The following AKAP19 variants were observed in gnomAD, a reference collection of about 807,000 sequenced individuals.
AKAP19 encodes the protein small A-kinase anchoring protein.
chr2:190,194,781 T>C, the AKAP19 span, among the ~76,000 whole-genome samples: 1 of 152,188 alleles, frequency 6.6e-6, no homozygotes, highest in African/African-American at 2.4e-5. Context: ...GTTGTAATCA[T>C]ACAGCATGTA....
At chr2:190,171,274 A>T in the AKAP19 span, among the ~76,000 whole-genome samples, 1 of 152,146 alleles carries the variant, frequency 6.6e-6, no homozygotes, top group East Asian at 1.9e-4. Flanking sequence ...ACTATTTAAA[A>T]TATTTTACTG....
chr2:189,914,704 T>G, the AKAP19 span, among the ~76,000 whole-genome samples: 1 of 152,094 alleles, frequency 6.6e-6, no homozygotes, highest in African/African-American at 2.4e-5. Context: ...TGAGGAACAG[T>G]TCTATTAGCT....
At chr2:189,918,855 G>T in the AKAP19 span, among the ~76,000 whole-genome samples, 1 of 152,188 alleles carries the variant, frequency 6.6e-6, no homozygotes, top group Admixed American at 6.5e-5. Context: ...ATAGTATAGT[G>T]TGGATAAACC....
the AKAP19 span, among the ~76,000 whole-genome samples, chr2:189,922,821 G>A: frequency 6.6e-6 from 1 of 152,072 alleles, no homozygotes; most frequent in African/African-American, 2.4e-5. Flanking sequence ...GTGCAAGAAG[G>A]CCATGATGTA....
At chr2:190,095,021 G>A in the AKAP19 span, among the ~76,000 whole-genome samples, 25,717 of 152,154 alleles carry the variant, frequency 0.17, 2,265 homozygotes, top group Admixed American at 0.22. Flanking sequence ...TCAGGAGTTC[G>A]AGACCAGCCT....
At chr2:190,079,381 A>G in the AKAP19 span, 1 of 152,246 alleles carries the variant, frequency 6.6e-6, no homozygotes, top group Non-Finnish European at 1.5e-5. Flanking sequence ...GGGCCACCAA[A>G]CCCACAAGTA....
At chr2:190,054,989 A>G in the AKAP19 span, among the ~76,000 whole-genome samples, 1 of 152,196 alleles carries the variant, frequency 6.6e-6, no homozygotes, top group African/African-American at 2.4e-5. Context: ...TGTGTACCCA[A>G]AGGACTATAA....
chr2:190,191,475 T>G, the AKAP19 span, among the ~76,000 whole-genome samples: 1 of 152,186 alleles, frequency 6.6e-6, no homozygotes, highest in East Asian at 1.9e-4. Flanking sequence ...GAACACAAAT[T>G]TTCATGTATC....
the AKAP19 span, among the ~76,000 whole-genome samples, chr2:190,081,803 T>C: frequency 1.3e-5 from 2 of 152,136 alleles, no homozygotes; most frequent in Non-Finnish European, 2.9e-5. Flanking sequence ...CTTTATTCTA[T>C]GGTATAGTAG....
chr2:190,049,721 A>C, the AKAP19 span, among the ~76,000 whole-genome samples: 1 of 152,206 alleles, frequency 6.6e-6, no homozygotes, highest in Admixed American at 6.5e-5. Context: ...GTTCCCTTAC[A>C]TCTGAACTTC....
the AKAP19 span, among the ~76,000 whole-genome samples, chr2:190,027,843 A>C: frequency 6.6e-6 from 1 of 152,146 alleles, no homozygotes; most frequent in Non-Finnish European, 1.5e-5. Flanking sequence ...AAGAGTGTTT[A>C]GAATTTCTTT....
At chr2:190,090,231 T>C in the AKAP19 span, among the ~76,000 whole-genome samples, 111 of 152,300 alleles carry the variant, frequency 7.3e-4, no homozygotes, top group African/African-American at 2.6e-3. Context: ...TTTCTAGTTG[T>C]TAGCAAGCGA....
At chr2:189,885,966 G>A in the AKAP19 span, among the ~76,000 whole-genome samples, 1 of 151,942 alleles carries the variant, frequency 6.6e-6, no homozygotes, top group Non-Finnish European at 1.5e-5. Context: ...CCACCACCAA[G>A]CCCAGCTAAT....
At chr2:189,931,808 A>G in the AKAP19 span, among the ~76,000 whole-genome samples, 1 of 151,298 alleles carries the variant, frequency 6.6e-6, no homozygotes, top group Non-Finnish European at 1.5e-5. Context: ...TTTTGGGGAG[A>G]GATGGGGTTT....
chr2:190,005,372 G>C, the AKAP19 span, among the ~76,000 whole-genome samples: 2 of 152,218 alleles, frequency 1.3e-5, no homozygotes, highest in East Asian at 3.9e-4. Flanking sequence ...ACAGAGTGCT[G>C]ATTGATGCAT....
At chr2:189,980,680 TG>T in the AKAP19 span, among the ~76,000 whole-genome samples, 4 of 151,988 alleles carry the variant, frequency 2.6e-5, no homozygotes, top group Non-Finnish European at 4.4e-5. Context: ...GTACACATTT[TG>T]TACGTTGATT....
the AKAP19 span, among the ~76,000 whole-genome samples, chr2:190,115,862 A>C: frequency 6.6e-6 from 1 of 151,936 alleles, no homozygotes; most frequent in African/African-American, 2.4e-5. Context: ...GCTCTATCCT[A>C]TTTTCACATG....
At chr2:190,075,632 T>C in the AKAP19 span, among the ~76,000 whole-genome samples, 2 of 152,330 alleles carry the variant, frequency 1.3e-5, no homozygotes, top group East Asian at 3.9e-4. Context: ...ATCAGCTTTG[T>C]CTGACATTAA....
chr2:190,168,431 C>T, the AKAP19 span, among the ~76,000 whole-genome samples: 1 of 152,154 alleles, frequency 6.6e-6, no homozygotes, highest in African/African-American at 2.4e-5. Flanking sequence ...CCGCCCTCCC[C>T]ACTCTGTTGT....
Sources: gnomAD v4.1 joint callset for allele counts (sites outside exome capture counted in the v4.1 genomes callset) on GRCh38, gnomAD v4.1.1 for gene constraint, MANE v1.5 for transcripts, NCBI Gene and HGNC (gene_info 2026-07-23, HGNC 2026-07-21) for gene names.